YTHDF2: variants seen among roughly 807,000 people sequenced by gnomAD.
YTHDF2 encodes YTH domain-containing family protein 2.
A neutral mutation model predicts 50.4 loss-of-function variants in YTHDF2; 2 were observed. That is an observed-to-expected ratio of 0.04 (90% CI 0.02 to 0.12). YTHDF2 has a LOEUF of 0.12. Among genes scored for constraint, YTHDF2 ranks in the 10% least tolerant of loss-of-function variants. YTHDF2 has a pLI of 1.00. For synonymous variants in YTHDF2, 217 were observed against 255.6 expected (o/e 0.85, Z 1.44); for missense variants, 483 against 722.6 (o/e 0.67, Z 3.80).
chr1:28,740,999 C>A (rs1000884202), intron 3 of YTHDF2, among the ~76,000 whole-genome samples: 3 of 150,724 alleles, frequency 2.0e-5, no homozygotes, highest in Non-Finnish European at 1.5e-5. Flanking sequence ...CCACCGCGCC[C>A]GGCTATTTAT....
At position 28,742,961 on chromosome 1, in the gene YTHDF2, A is replaced by C; in HGVS notation, c.691A>C (p.Ile231Leu). 6.2e-7 allele frequency: 1 copy of C among 1,614,174 alleles called. No individual in the cohort carries two copies. The highest frequency in any genetic ancestry group is 8.5e-7 in the Non-Finnish European group (1 of 1,180,052). The change falls in exon 4 of 5, where the codon ATT becomes CTT. Residue 231 changes from isoleucine to leucine, a missense_variant. Coordinates refer to ENST00000373812, the MANE Select transcript of YTHDF2 (RefSeq NM_016258.3). Reference protein sequence around the residue: ...VASNSLPPATIAPPKPASWAD... With the variant: ...VASNSLPPATLAPPKPASWAD... ...TTCCAATAGTTTGCCTCCAGCCACC[A>C]TTGCTCCTCCAAAACCAGCATCTTG...
rs1406306350 is a variant in YTHDF2, at chr1:28,758,780, T to C, written c.1717-10149T>C. 3.3e-5 allele frequency among the ~76,000 whole-genome samples: 5 copies of C among 152,198 alleles called. No homozygotes were observed. The South Asian group carries it at 6.2e-4, about 19-fold the overall frequency. ...CTTGGCTAATTCAAAGTTTTAGTTATGGCAAAAGTTACTTTAGTTGAGGTC... is the reference window on the plus strand; with the variant it reads ...CTTGGCTAATTCAAAGTTTTAGTTACGGCAAAAGTTACTTTAGTTGAGGTC... On this transcript the variant is annotated intron_variant, in intron 4 of 4. Coordinates refer to ENST00000373812, the MANE Select transcript of YTHDF2 (RefSeq NM_016258.3).
rs1391810821 is a variant in YTHDF2 at position 28,737,048 on chromosome 1, C to T, written c.-73C>T. The T allele has an allele frequency of 3.2e-6, 5 of 1,541,872 alleles. No homozygotes were observed. The highest frequency in any genetic ancestry group is 4.4e-6 in the Non-Finnish European group (5 of 1,142,754). ...AAAAGCCTCCGCCTGCTCCCGCAGA[C>T]GGGGCTCATCTGCCGCCGCCGCCGC... On this transcript the variant is annotated 5_prime_UTR_variant, in exon 1 of 5. In the 5' UTR this introduces an upstream ATG that the reference lacks. Coordinates refer to ENST00000373812, the MANE Select transcript of YTHDF2 (RefSeq NM_016258.3).
rs1033209061 is a variant in YTHDF2, at chr1:28,737,006, C to A, written c.-115C>A. On this transcript the variant is annotated 5_prime_UTR_variant, in exon 1 of 5. Transcript: ENST00000373812. ...GTGTCTCCGCTGCGTCCGCCGAGGC[C>A]CCCGAGTGTCAGGGACAAAAGCCTC... 2 of 1,352,202 alleles carry A rather than the reference C, an allele frequency of 1.5e-6. No homozygotes were observed. The highest frequency in any genetic ancestry group is 1.5e-5 in the African/African-American group (1 of 67,388). 83.8% of individuals were successfully genotyped at this position (1,352,202 alleles called of 1,614,324 possible). A position where few individuals can be genotyped will look rare whatever the true frequency, so the allele number is the denominator to read the frequency against.
chr1:28,745,970 T>TA (rs2087854451), intron 4 of YTHDF2, among the ~76,000 whole-genome samples: 1 of 152,056 alleles, frequency 6.6e-6, no homozygotes, highest in African/African-American at 2.4e-5. Flanking sequence ...GTCCAGGAGT[T>TA]AGAGGTTGTA....
At chr1:28,744,072 A>C (rs977676537) in intron 4 of YTHDF2, 86 bp downstream of exon 4, 1 of 1,359,660 alleles carries the variant, frequency 7.4e-7, no homozygotes, top group Admixed American at 3.3e-5. Context: ...CCGTTAATAA[A>C]AACTCTGTAA....
At chr1:28,749,431 C>G (rs1004065367) in intron 4 of YTHDF2, among the ~76,000 whole-genome samples, 2 of 152,072 alleles carry the variant, frequency 1.3e-5, no homozygotes, top group Non-Finnish European at 2.9e-5. Context: ...CTGCCCGCCC[C>G]GGCCTCCCAA....
intron 3 of YTHDF2, among the ~76,000 whole-genome samples, chr1:28,739,834 TG>T (rs1024449951): frequency 2.6e-5 from 4 of 152,238 alleles, no homozygotes; most frequent in African/African-American, 9.6e-5. Flanking sequence ...GCAGTTCTTT[TG>T]TATTATTATC....
intron 4 of YTHDF2, among the ~76,000 whole-genome samples, chr1:28,753,999 G>A (rs373319267): frequency 6.6e-6 from 1 of 152,086 alleles, no homozygotes; most frequent in South Asian, 2.1e-4. Context: ...GAGCCACTGC[G>A]CTCGGCCTAG....
At chr1:28,755,505 GTAAA>G (rs1421588504) in intron 4 of YTHDF2, among the ~76,000 whole-genome samples, 1 of 152,128 alleles carries the variant, frequency 6.6e-6, no homozygotes, top group Non-Finnish European at 1.5e-5. Flanking sequence ...ACAGAAAAGA[GTAAA>G]TAACTTTGCA....
intron 4 of YTHDF2, among the ~76,000 whole-genome samples, chr1:28,754,551 C>T (rs1256498707): frequency 4.0e-5 from 6 of 148,554 alleles, no homozygotes; most frequent in Admixed American, 1.3e-4. Context: ...TGGCCGGGCG[C>T]GGTGGCTCAT....
intron 4 of YTHDF2, among the ~76,000 whole-genome samples, chr1:28,764,579 T>G (rs1473474996): frequency 6.6e-6 from 1 of 152,004 alleles, no homozygotes; most frequent in Non-Finnish European, 1.5e-5. Flanking sequence ...GGCCCCAATT[T>G]TTTATTTTTA....
intron 3 of YTHDF2, 103 bp downstream of exon 3, chr1:28,738,441 TTTTTCTG>T (rs1557537850): frequency 2.7e-6 from 3 of 1,115,758 alleles, no homozygotes; most frequent in Admixed American, 2.5e-5. Flanking sequence ...TTTTTTTTCT[TTTTTCTG>T]TTTTCTGTTT....
chr1:28,763,238 T>C (rs2088161279), intron 4 of YTHDF2, among the ~76,000 whole-genome samples: 1 of 152,192 alleles, frequency 6.6e-6, no homozygotes, highest in Non-Finnish European at 1.5e-5. Flanking sequence ...CAGATCTGTC[T>C]GGACTTGTAG....
At chr1:28,737,385 G>A (rs1030246744) in intron 1 of YTHDF2, 40 of 629,510 alleles carry the variant, frequency 6.4e-5, no homozygotes, top group Non-Finnish European at 9.1e-5. Context: ...TCTCTCGGCG[G>A]GCCTCGTTTT....
At position 28,737,046 on chromosome 1, in the gene YTHDF2, G is replaced by GCCGGGGCTC; in HGVS notation, c.-75_-74insCCGGGGCTC. 6.5e-7 allele frequency: 1 copy of GCCGGGGCTC among 1,539,482 alleles called. No homozygotes were observed. The highest frequency in any genetic ancestry group is 1.4e-5 in the African/African-American group (1 of 72,176). ...ACAAAAGCCTCCGCCTGCTCCCGCA[G>GCCGGGGCTC]ACGGGGCTCATCTGCCGCCGCCGCC... is the stretch of plus-strand genomic sequence containing the variant. On this transcript the variant is annotated 5_prime_UTR_variant, in exon 1 of 5. Coordinates refer to ENST00000373812, the MANE Select transcript of YTHDF2 (RefSeq NM_016258.3).
intron 4 of YTHDF2, among the ~76,000 whole-genome samples, chr1:28,748,155 G>A (rs886194227): frequency 8.6e-5 from 13 of 151,694 alleles, no homozygotes; most frequent in African/African-American, 3.1e-4. Context: ...AAAAAGAACT[G>A]CTGGGATTTC....
chr1:28,752,367 A>T (rs2087969525), intron 4 of YTHDF2, among the ~76,000 whole-genome samples: 1 of 152,062 alleles, frequency 6.6e-6, no homozygotes, highest in East Asian at 1.9e-4. Flanking sequence ...CAGTGGCATG[A>T]TCTCAACTCA....
intron 4 of YTHDF2, among the ~76,000 whole-genome samples, chr1:28,752,542 C>T (rs905067727): frequency 2.6e-5 from 4 of 152,188 alleles, no homozygotes; most frequent in Non-Finnish European, 4.4e-5. Context: ...GATCTGCCTG[C>T]CTCGGCCTCC....
Sources: gnomAD v4.1 joint callset for allele counts (sites outside exome capture counted in the v4.1 genomes callset) on GRCh38, gnomAD v4.1.1 for gene constraint, MANE v1.5 for transcripts, NCBI Gene and HGNC (gene_info 2026-07-23, HGNC 2026-07-21) for gene names.